Variants in GRIK2 observed in about 807,000 individuals in gnomAD.
GRIK2 encodes glutamate ionotropic receptor kainate type subunit 2.
In GRIK2, 32 loss-of-function variants were observed where a neutral mutation model predicts 100.3. The observed-to-expected ratio is 0.32, with a 90% CI of 0.24 to 0.43. The LOEUF (loss-of-function observed/expected upper bound fraction) is 0.43, where lower values mean the gene tolerates loss of function less well. Ranked by LOEUF, GRIK2 falls within the 20% of genes least tolerant of loss-of-function variation. GRIK2 has a pLI of 1.00. For synonymous variants in GRIK2, 417 were observed against 389.4 expected (o/e 1.07, Z -0.83); for missense variants, 843 against 1,114.9 (o/e 0.76, Z 3.47).
intron 2 of GRIK2, among the ~76,000 whole-genome samples, chr6:101,606,098 C>G (rs1364627949): frequency 6.6e-6 from 1 of 151,888 alleles, no homozygotes; most frequent in Non-Finnish European, 1.5e-5. Flanking sequence ...CAACTTTGCC[C>G]ATATTACTGG....
intron 14 of GRIK2, among the ~76,000 whole-genome samples, chr6:102,008,905 T>C (rs1795379878): frequency 6.6e-6 from 1 of 152,052 alleles, no homozygotes; most frequent in Non-Finnish European, 1.5e-5. Context: ...ATATGTAATA[T>C]ACATGTATAC....
chr6:101,404,499 T>C, intron 2 of GRIK2, among the ~76,000 whole-genome samples: 1 of 152,236 alleles, frequency 6.6e-6, no homozygotes, highest in East Asian at 1.9e-4. Flanking sequence ...TTATTAAGAT[T>C]TGACTTTGTT....
At chr6:101,864,483 C>A (rs977421894) in intron 11 of GRIK2, among the ~76,000 whole-genome samples, 3 of 152,112 alleles carry the variant, frequency 2.0e-5, no homozygotes, top group Non-Finnish European at 4.4e-5. Context: ...ACCTGGGTTG[C>A]AACTAAAGAA....
intron 12 of GRIK2, among the ~76,000 whole-genome samples, chr6:101,920,025 A>G (rs1220129004): frequency 1.3e-5 from 2 of 151,896 alleles, no homozygotes; most frequent in Non-Finnish European, 2.9e-5. Context: ...AAATTTGAGG[A>G]GATGCAAAGA....
chr6:101,557,734 T>C (rs1297722319), intron 2 of GRIK2, among the ~76,000 whole-genome samples: 1 of 152,232 alleles, frequency 6.6e-6, no homozygotes, highest in African/African-American at 2.4e-5. Context: ...AGATACTTTC[T>C]TTCTTTTTAC....
At chr6:101,667,987 A>G (rs1381880836) in intron 4 of GRIK2, among the ~76,000 whole-genome samples, 1 of 152,160 alleles carries the variant, frequency 6.6e-6, no homozygotes, top group Non-Finnish European at 1.5e-5. Flanking sequence ...TAATGTATCA[A>G]GCTAAAATGT....
intron 7 of GRIK2, among the ~76,000 whole-genome samples, chr6:101,793,746 G>C (rs1373573146): frequency 6.6e-6 from 1 of 152,168 alleles, no homozygotes; most frequent in Admixed American, 6.5e-5. Context: ...AAAGCTGTCA[G>C]ACAGGGACAT....
At chr6:101,538,291 T>A (rs2128287348) in intron 2 of GRIK2, among the ~76,000 whole-genome samples, 1 of 151,856 alleles carries the variant, frequency 6.6e-6, no homozygotes, top group African/African-American at 2.4e-5. Context: ...AAAGTGTAGT[T>A]CTGAAAAACT....
At chr6:101,681,432 G>A (rs1680052642) in intron 5 of GRIK2, among the ~76,000 whole-genome samples, 1 of 135,680 alleles carries the variant, frequency 7.4e-6, no homozygotes, top group South Asian at 2.5e-4. Context: ...TTGTAGAGAT[G>A]GGGTCTTGTT....
intron 2 of GRIK2, among the ~76,000 whole-genome samples, chr6:101,500,912 A>C (rs2852538): frequency 0.6 from 91,605 of 151,832 alleles, 28,712 homozygotes; most frequent in African/African-American, 0.77. Flanking sequence ...TAGTTCACTG[A>C]CTGTGCTTGA....
At position 101,974,858 on chromosome 6, in the gene GRIK2, A is replaced by G. The variant is rs9498778; in HGVS notation, c.2085+46226A>G. Among the ~76,000 whole-genome samples, 1,235 of 149,808 alleles carry G rather than the reference A, an allele frequency of 8.2e-3. 18 individuals are homozygous for G. The highest frequency in any genetic ancestry group is 0.031 in the African/African-American group (1,200 of 39,322). Reference sequence around the variant, plus strand: ...ATAAGGGGGCATATATAAAACAGTTAATCAATCAAACTGGGAAGCTCAAGA... The same window carrying G: ...ATAAGGGGGCATATATAAAACAGTTGATCAATCAAACTGGGAAGCTCAAGA... On this transcript the variant is annotated intron_variant, in intron 14 of 16. Transcript: ENST00000369134.
intron 14 of GRIK2, among the ~76,000 whole-genome samples, chr6:102,006,984 A>C (rs1795275740): frequency 6.6e-6 from 1 of 152,114 alleles, no homozygotes; most frequent in African/African-American, 2.4e-5. Flanking sequence ...TAATTTAGAA[A>C]TACTCCTAAT....
intron 2 of GRIK2, among the ~76,000 whole-genome samples, chr6:101,613,993 C>A (rs908714405): frequency 6.6e-6 from 1 of 151,572 alleles, no homozygotes; most frequent in Non-Finnish European, 1.5e-5. Context: ...GAACTTTGTG[C>A]TGGAGCTCTC....
intron 2 of GRIK2, among the ~76,000 whole-genome samples, chr6:101,608,284 A>G (rs926058869): frequency 2.0e-5 from 3 of 151,928 alleles, no homozygotes; most frequent in Admixed American, 6.6e-5. Flanking sequence ...ATCAATAAAT[A>G]TAAATTTAAC....
chr6:101,609,983 T>A (rs1779601428), intron 2 of GRIK2, among the ~76,000 whole-genome samples: 1 of 151,728 alleles, frequency 6.6e-6, no homozygotes, highest in South Asian at 2.1e-4. Flanking sequence ...AATTTAATAC[T>A]ATAGTTTTAA....
chr6:101,444,865 T>C (rs1260091055), intron 2 of GRIK2, among the ~76,000 whole-genome samples: 3 of 152,100 alleles, frequency 2.0e-5, no homozygotes, highest in East Asian at 3.9e-4. Context: ...TCTTTGCCAG[T>C]TCTTTTCTAC....
intron 2 of GRIK2, among the ~76,000 whole-genome samples, chr6:101,499,081 A>G (rs1029927647): frequency 6.6e-6 from 1 of 152,144 alleles, no homozygotes. Flanking sequence ...ATATGTAGAA[A>G]GCTGAAACTG....
rs9498815 is a variant in GRIK2, at chr6:102,035,051, A to G, written c.2086-290A>G. Among the ~76,000 whole-genome samples, 464 of 151,450 alleles carry G rather than the reference A, an allele frequency of 3.1e-3. 2 individuals are homozygous for G. The highest frequency in any genetic ancestry group is 0.011 in the African/African-American group (448 of 41,436). ...AAATCATTTGTTTTCTGTTGTATGT[A>G]TAGCTTTCAGTGATTTACTGGGATG... On this transcript the variant is annotated intron_variant, in intron 14 of 16. Transcript: ENST00000369134.
chr6:101,996,582 A>AT (rs1220065566), intron 14 of GRIK2, among the ~76,000 whole-genome samples: 3 of 152,208 alleles, frequency 2.0e-5, no homozygotes, highest in African/African-American at 4.8e-5. Context: ...CAAAATGTGT[A>AT]TTTTTTAGAA....
Sources: gnomAD v4.1 joint callset for allele counts (sites outside exome capture counted in the v4.1 genomes callset) on GRCh38, gnomAD v4.1.1 for gene constraint, MANE v1.5 for transcripts, NCBI Gene and HGNC (gene_info 2026-07-23, HGNC 2026-07-21) for gene names.